PCDH9: variants seen among roughly 807,000 people sequenced by gnomAD.
PCDH9 encodes protocadherin-9.
A neutral mutation model predicts 70.6 loss-of-function variants in PCDH9; 24 were observed. The observed-to-expected ratio is 0.34, with a 90% CI of 0.25 to 0.48. PCDH9 has a LOEUF of 0.48. Among genes scored for constraint, PCDH9 ranks in the 20% least tolerant of loss-of-function variants. The pLI is 0.99. For synonymous variants in PCDH9, 562 were observed against 558.5 expected (o/e 1.01, Z -0.09); for missense variants, 1,281 against 1,503.6 (o/e 0.85, Z 2.45).
intron 3 of PCDH9, among the ~76,000 whole-genome samples, chr13:66,789,127 C>T (rs920721963): frequency 3.3e-5 from 5 of 152,130 alleles, no homozygotes; most frequent in African/African-American, 1.2e-4. Context: ...ATGTCTGAAC[C>T]AAGACGTTTA....
intron 2 of PCDH9, among the ~76,000 whole-genome samples, chr13:67,144,439 T>C (rs923555357): frequency 6.6e-6 from 1 of 152,168 alleles, no homozygotes; most frequent in Non-Finnish European, 1.5e-5. Flanking sequence ...GTCCAGTGTC[T>C]ATTAATTCTG....
chr13:66,713,630 TA>T (rs1179725135), intron 3 of PCDH9, among the ~76,000 whole-genome samples: 21 of 65,424 alleles, frequency 3.2e-4, no homozygotes, highest in African/African-American at 7.6e-4. Context: ...TGTGTGTATA[TA>T]TATATATATA....
Position 66,897,794 on chromosome 13 carries a change from C to G in PCDH9, c.3138+5710G>C, listed in dbSNP as rs191531500. On this transcript the variant is annotated intron_variant, in intron 3 of 4. Coordinates refer to ENST00000377865, the MANE Select transcript of PCDH9 (RefSeq NM_203487.3). The stretch of plus-strand genomic sequence containing the variant: ...TTTAATGATTTTTTTGAAAATTTAT[C>G]TCTATATAACACACATTTCACATAA... Among the ~76,000 whole-genome samples the G allele has an allele frequency of 3.8e-3, 572 of 152,094 alleles. 5 individuals carry two copies. The highest frequency in any genetic ancestry group is 0.013 in the African/African-American group (546 of 41,524).
intron 4 of PCDH9, among the ~76,000 whole-genome samples, chr13:66,422,459 C>T (rs1957585253): frequency 6.6e-6 from 1 of 152,208 alleles, no homozygotes; most frequent in Non-Finnish European, 1.5e-5. Context: ...AACAGTCTCT[C>T]AGACCACAGT....
At chr13:66,410,232 A>T (rs1395163016) in intron 4 of PCDH9, among the ~76,000 whole-genome samples, 1 of 151,880 alleles carries the variant, frequency 6.6e-6, no homozygotes, top group Non-Finnish European at 1.5e-5. Flanking sequence ...GGAAATTTTT[A>T]AAATGACATC....
intron 4 of PCDH9, among the ~76,000 whole-genome samples, chr13:66,315,834 A>G (rs1955642783): frequency 6.6e-6 from 1 of 152,148 alleles, no homozygotes; most frequent in Admixed American, 6.6e-5. Context: ...TCAACATTCT[A>G]TTCACTAATC....
At chr13:66,414,617 A>G (rs1013614327) in intron 4 of PCDH9, among the ~76,000 whole-genome samples, 1 of 152,210 alleles carries the variant, frequency 6.6e-6, no homozygotes, top group African/African-American at 2.4e-5. Context: ...GAGTTAAAGA[A>G]TTTTAAAGGC....
intron 2 of PCDH9, among the ~76,000 whole-genome samples, chr13:66,957,062 A>G (rs559033516): frequency 1.8e-4 from 27 of 152,314 alleles, no homozygotes; most frequent in African/African-American, 5.5e-4. Context: ...ATTTAACATA[A>G]CAATGCTTTG....
chr13:67,099,943 C>T (rs902382631), intron 2 of PCDH9, among the ~76,000 whole-genome samples: 6 of 152,022 alleles, frequency 3.9e-5, no homozygotes, highest in African/African-American at 1.5e-4. Flanking sequence ...TCCATGGCAC[C>T]GTATAACATC....
At position 66,550,263 on chromosome 13, in the gene PCDH9, TA is replaced by T. The variant is rs548452436; in HGVS notation, c.3340+80946del. ...GTAATAGAATATCACAGAAAGTTCA[TA>T]AAACCCTTATTATGAAATAGAAATT... On this transcript the variant is annotated intron_variant, in intron 4 of 4. Transcript: ENST00000377865. 3.1e-3 allele frequency among the ~76,000 whole-genome samples: 465 copies of T among 152,182 alleles called. 2 individuals carry two copies. The highest frequency in any genetic ancestry group is 0.011 in the African/African-American group (446 of 41,570).
At chr13:66,345,652 T>C (rs571854384) in intron 4 of PCDH9, among the ~76,000 whole-genome samples, 2 of 152,278 alleles carry the variant, frequency 1.3e-5, no homozygotes, top group East Asian at 3.9e-4. Flanking sequence ...GAATTTCCTG[T>C]AAACTAAGGA....
intron 4 of PCDH9, among the ~76,000 whole-genome samples, chr13:66,332,057 AG>A (rs1013650820): frequency 6.6e-6 from 1 of 152,286 alleles, no homozygotes; most frequent in South Asian, 2.1e-4. Context: ...CAGCGACTCA[AG>A]GTTGCCAGCA....
intron 3 of PCDH9, among the ~76,000 whole-genome samples, chr13:66,665,803 A>C (rs1292909095): frequency 6.6e-6 from 1 of 152,008 alleles, no homozygotes; most frequent in African/African-American, 2.4e-5. Context: ...CGGAAGAGTA[A>C]ATACATGCTA....
At chr13:66,879,266 G>A (rs1254571646) in intron 3 of PCDH9, among the ~76,000 whole-genome samples, 7 of 152,038 alleles carry the variant, frequency 4.6e-5, no homozygotes, top group South Asian at 2.1e-4. Context: ...AAATACTAGC[G>A]GAGGCATTCT....
chr13:67,210,167 C>T (rs2089439355), intron 2 of PCDH9: 1 of 151,942 alleles, frequency 6.6e-6, no homozygotes, highest in African/African-American at 2.4e-5. Flanking sequence ...AAAAATATGG[C>T]AGCTACATAA....
intron 3 of PCDH9, among the ~76,000 whole-genome samples, chr13:66,633,166 C>T (rs2077593720): frequency 6.6e-6 from 1 of 152,094 alleles, no homozygotes; most frequent in African/African-American, 2.4e-5. Flanking sequence ...GTTGATAGTT[C>T]AGTACATTTT....
At chr13:66,738,869 T>G (rs2079204823) in intron 3 of PCDH9, among the ~76,000 whole-genome samples, 1 of 150,044 alleles carries the variant, frequency 6.7e-6, no homozygotes, top group African/African-American at 2.4e-5. Context: ...GTCTGATTGG[T>G]GTACCTGAAA....
At chr13:66,935,563 G>A (rs1000527587) in intron 2 of PCDH9, among the ~76,000 whole-genome samples, 3 of 152,038 alleles carry the variant, frequency 2.0e-5, no homozygotes, top group African/African-American at 7.2e-5. Context: ...ATTAATTCTA[G>A]TGCAATAATG....
At chr13:66,576,008 C>T (rs17081539) in intron 4 of PCDH9, among the ~76,000 whole-genome samples, 4,905 of 150,294 alleles carry the variant, frequency 0.033, 258 homozygotes, top group African/African-American at 0.11. Context: ...GTAAGCTAGA[C>T]ACTTTGGATT....
Sources: allele counts gnomAD v4.1 joint callset (sites outside exome capture counted in the v4.1 genomes callset), GRCh38; gene constraint gnomAD v4.1.1; transcripts MANE v1.5; gene names NCBI Gene and HGNC (gene_info 2026-07-23, HGNC 2026-07-21).